The following PALM2AKAP2 variants were observed in gnomAD, a reference collection of about 807,000 sequenced individuals.
PALM2AKAP2 encodes the protein PALM2-AKAP2 fusion protein.
PALM2AKAP2 carries 37 observed loss-of-function variants against 71.5 expected under a neutral mutation model. The ratio of observed to expected loss-of-function variants is 0.52; its 90% CI spans 0.40 to 0.68. The LOEUF is 0.68. Ranked by LOEUF, PALM2AKAP2 falls within the 30% of genes least tolerant of loss-of-function variation. The pLI, the probability that PALM2AKAP2 is intolerant of heterozygous loss-of-function variation, is 0.00. For missense variants in PALM2AKAP2, 1,224 were observed against 1,191.8 expected, an observed-to-expected ratio of 1.03 and a Z score of -0.40; for synonymous variants, 468 against 478.8, an observed-to-expected ratio of 0.98 and a Z score of 0.29.
intron 1 of PALM2AKAP2, among the ~76,000 whole-genome samples, chr9:109,798,605 T>C (rs945672338): frequency 6.6e-6 from 1 of 152,208 alleles, no homozygotes; most frequent in Admixed American, 6.5e-5. Context: ...GTTAAAAACA[T>C]TGGGCAAAGC....
intron 7 of PALM2AKAP2, among the ~76,000 whole-genome samples, chr9:110,040,657 A>G (rs1833495391): frequency 6.6e-6 from 1 of 152,204 alleles, no homozygotes; most frequent in African/African-American, 2.4e-5. Flanking sequence ...AAAATGTTAC[A>G]GTCGTATTTT....
rs565249635 is a variant in PALM2AKAP2, at chr9:110,130,590, A to G, written c.157-5537A>G. 2.0e-5 allele frequency among the ~76,000 whole-genome samples: 3 copies of G among 152,324 alleles called. No individual in the cohort carries two copies. In the South Asian group the frequency reaches 6.2e-4, roughly 32 times the overall value. On this transcript the variant is annotated intron_variant, in intron 1 of 3. Transcript: ENST00000374525. ...ACTTGAGTTGAATAAACATTTATAA[A>G]AAATGCTATGAGGAAATCTCAGCTC... is the stretch of plus-strand genomic sequence containing the variant.
intron 1 of PALM2AKAP2, among the ~76,000 whole-genome samples, chr9:110,075,804 T>C (rs1437940878): frequency 1.3e-5 from 2 of 152,112 alleles, no homozygotes; most frequent in African/African-American, 4.8e-5. Flanking sequence ...CAAAGAATTT[T>C]TGTTTTCTCT....
At chr9:109,990,877 A>G (rs1163913275) in intron 6 of PALM2AKAP2, among the ~76,000 whole-genome samples, 2 of 152,254 alleles carry the variant, frequency 1.3e-5, no homozygotes, top group African/African-American at 2.4e-5. Context: ...AAAAATTAGA[A>G]GACAACGTTG....
At chr9:110,138,848 T>C (rs1835961393) in intron 2 of PALM2AKAP2, among the ~76,000 whole-genome samples, 1 of 152,250 alleles carries the variant, frequency 6.6e-6, no homozygotes, top group Non-Finnish European at 1.5e-5. Flanking sequence ...CTGCCTCTTG[T>C]CTGAAGGAGA....
At chr9:109,901,480 A>T (rs773200940) in intron 3 of PALM2AKAP2, among the ~76,000 whole-genome samples, 1 of 152,164 alleles carries the variant, frequency 6.6e-6, no homozygotes, top group Admixed American at 6.5e-5. Context: ...AGCCAAAGGG[A>T]GGTTCTTCGC....
At chr9:110,155,275 G>C (rs1320824780) in intron 2 of PALM2AKAP2, among the ~76,000 whole-genome samples, 1 of 152,216 alleles carries the variant, frequency 6.6e-6, no homozygotes, top group Non-Finnish European at 1.5e-5. Flanking sequence ...AGCCATGCAA[G>C]CCCCATTTAT....
intron 1 of PALM2AKAP2, among the ~76,000 whole-genome samples, chr9:110,091,456 A>ATTTTTT (rs1194438639): frequency 5.9e-5 from 4 of 67,426 alleles, no homozygotes; most frequent in Admixed American, 1.5e-4. Flanking sequence ...TTTGAGATTT[A>ATTTTTT]TTCTTTTTTT....
chr9:110,003,296 A>T (rs1832716812), intron 6 of PALM2AKAP2, among the ~76,000 whole-genome samples: 1 of 152,122 alleles, frequency 6.6e-6, no homozygotes, highest in African/African-American at 2.4e-5. Context: ...TGTACCCAGT[A>T]GTCATTCAGG....
chr9:110,004,502 T>C (rs1257693225), intron 6 of PALM2AKAP2, among the ~76,000 whole-genome samples: 2 of 152,222 alleles, frequency 1.3e-5, no homozygotes, highest in African/African-American at 2.4e-5. Flanking sequence ...CTGACAATTA[T>C]GTGTCTTGGA....
intron 1 of PALM2AKAP2, among the ~76,000 whole-genome samples, chr9:109,650,239 C>T (rs1458228566): frequency 6.6e-6 from 1 of 152,002 alleles, no homozygotes; most frequent in Non-Finnish European, 1.5e-5. Flanking sequence ...TTTGTGTACT[C>T]TCTCCTTACT....
intron 1 of PALM2AKAP2, among the ~76,000 whole-genome samples, chr9:109,705,200 A>G (rs1386556581): frequency 6.6e-6 from 1 of 152,144 alleles, no homozygotes; most frequent in Non-Finnish European, 1.5e-5. Flanking sequence ...AAGTGCCCCT[A>G]GCATGCTCCT....
intron 1 of PALM2AKAP2, among the ~76,000 whole-genome samples, chr9:109,767,898 T>C (rs1829180329): frequency 2.4e-5 from 1 of 41,332 alleles, no homozygotes; most frequent in South Asian, 1.1e-3. Flanking sequence ...CGTGGGCTAA[T>C]ACATTTAGCA....
At chr9:109,854,407 A>G (rs1829098532) in intron 1 of PALM2AKAP2, among the ~76,000 whole-genome samples, 1 of 152,240 alleles carries the variant, frequency 6.6e-6, no homozygotes, top group Non-Finnish European at 1.5e-5. Context: ...GCCACAGGCA[A>G]CTGTCACTGG....
intron 1 of PALM2AKAP2, among the ~76,000 whole-genome samples, chr9:110,122,420 T>C (rs1001392713): frequency 6.6e-6 from 1 of 152,264 alleles, no homozygotes. Context: ...CTATGAGCAC[T>C]GCTGCATTTT....
chr9:109,798,939 C>T (rs1235165972), intron 1 of PALM2AKAP2, among the ~76,000 whole-genome samples: 1 of 152,192 alleles, frequency 6.6e-6, no homozygotes, highest in Non-Finnish European at 1.5e-5. Flanking sequence ...TTCCACTGCT[C>T]CAAGCCACCT....
At chr9:109,761,090 A>G (rs1206307841) in intron 1 of PALM2AKAP2, among the ~76,000 whole-genome samples, 1 of 152,216 alleles carries the variant, frequency 6.6e-6, no homozygotes, top group African/African-American at 2.4e-5. Context: ...TTCTTCATCT[A>G]GACCAGTGGA....
At chr9:110,017,552 T>G (rs887814685) in intron 7 of PALM2AKAP2, among the ~76,000 whole-genome samples, 1 of 152,124 alleles carries the variant, frequency 6.6e-6, no homozygotes, top group Non-Finnish European at 1.5e-5. Context: ...GTAAAACCTG[T>G]TGGATTTAGA....
Position 109,824,571 on chromosome 9 carries a change from C to T in PALM2AKAP2, c.46-42920C>T, listed in dbSNP as rs190183370. Reference sequence around the variant, plus strand: ...TGTGAGGCCCTAATGACATATTTGGCCCTTTCCATCTTTGGGGCTGTAATA... The same window carrying T: ...TGTGAGGCCCTAATGACATATTTGGTCCTTTCCATCTTTGGGGCTGTAATA... On this transcript the variant is annotated intron_variant, in intron 1 of 9. Transcript: ENST00000302798. 1.6e-4 allele frequency among the ~76,000 whole-genome samples: 24 copies of T among 152,302 alleles called. No individual in the cohort carries two copies. The East Asian group carries it at 3.3e-3, about 21-fold the overall frequency.
Sources: allele counts gnomAD v4.1 joint callset (sites outside exome capture counted in the v4.1 genomes callset), GRCh38; gene constraint gnomAD v4.1.1; transcripts MANE v1.5; gene names NCBI Gene and HGNC (gene_info 2026-07-23, HGNC 2026-07-21).